The following CD3E variants were observed in gnomAD, a reference collection of about 807,000 sequenced individuals.
CD3E encodes the protein T-cell surface glycoprotein CD3 epsilon chain.
In CD3E, 16 loss-of-function variants were observed where a neutral mutation model predicts 34.7. The observed-to-expected ratio is 0.46, with a 90% CI of 0.31 to 0.70. The LOEUF is 0.70. Among genes scored for constraint, CD3E ranks in the 30% least tolerant of loss-of-function variants. The pLI is 0.05. For synonymous variants in CD3E, 70 were observed against 90.8 expected, an observed-to-expected ratio of 0.77 and a Z score of 1.30; for missense variants, 223 against 253.9, an observed-to-expected ratio of 0.88 and a Z score of 0.83.
At position 118,304,948 on chromosome 11, in the gene CD3E, C is replaced by T; in HGVS notation, c.-5C>T. ...TTAGTAAAGTAACAGTCCCATGAAACAAAGATGCAGTCGGGCACTCACTGG... is the reference window on the plus strand; with the variant it reads ...TTAGTAAAGTAACAGTCCCATGAAATAAAGATGCAGTCGGGCACTCACTGG... On this transcript the variant is annotated 5_prime_UTR_variant, in exon 2 of 9. The change creates a premature stop within an existing upstream ORF in the 5' untranslated region. Transcript: ENST00000361763. The T allele has an allele frequency of 6.2e-7, 1 of 1,613,936 alleles. No individual in the cohort carries two copies. Among genetic ancestry groups the T allele is most frequent in the Non-Finnish European group, 8.5e-7 (1 of 1,179,812 alleles).
At chr11:118,314,365 C>A in intron 7 of CD3E, 83 bp from the exon 8 acceptor site, 1 of 1,149,764 alleles carries the variant, frequency 8.7e-7, no homozygotes, top group Non-Finnish European at 1.3e-6. Context: ...TTGCCATTCT[C>A]TATCTGGGTC....
intron 3 of CD3E, 144 bp downstream of exon 3, chr11:118,307,452 C>A: frequency 1.4e-6 from 1 of 692,520 alleles, no homozygotes; most frequent in Non-Finnish European, 2.5e-6. Flanking sequence ...CTTTGACTTT[C>A]CTCACAAGTC....
intron 8 of CD3E, among the ~76,000 whole-genome samples, chr11:118,314,889 G>A (rs1459864285): frequency 6.6e-6 from 1 of 151,602 alleles, no homozygotes; most frequent in African/African-American, 2.4e-5. Context: ...AAAAGTTATT[G>A]AAATATTAAA....
In CD3E at chr11:118,314,557, CAG is replaced by C. The variant is rs386134229; in HGVS notation, c.567+65_567+66del. The C allele has an allele frequency of 1.7e-3, 2,515 of 1,472,810 alleles. 5 individuals carry two copies. Among genetic ancestry groups the C allele is most frequent in the Admixed American group, 2.5e-3 (146 of 58,116 alleles). 91.2% of individuals were successfully genotyped at this position (1,472,810 alleles called of 1,614,324 possible). ...GATGTCCCTCCAGGGGGGAAGGAAA[CAG>C]ATGGGATGGCCCATCTTGTCTGCCA... On this transcript the variant is annotated intron_variant, in intron 8 of 8. Transcript: ENST00000361763.
At position 118,307,368 on chromosome 11, in the gene CD3E, T is replaced by C. The variant is rs1948113188; in HGVS notation, c.70+60T>C. On this transcript the variant is annotated intron_variant, in intron 3 of 8. Coordinates refer to ENST00000361763, the MANE Select transcript of CD3E (RefSeq NM_000733.4). ...ATCACCCCATCATTCTTTGTAGTTA[T>C]GAATGGAGCTTTCTCTTAGGCCTCC... is the stretch of plus-strand genomic sequence containing the variant. 2.1e-6 allele frequency: 3 copies of C among 1,458,034 alleles called. No individual in the cohort carries two copies. The Admixed American group carries it at 5.1e-5, about 25-fold the overall frequency. 90.3% of individuals were successfully genotyped at this position (1,458,034 alleles called of 1,614,324 possible). A position where few individuals can be genotyped will look rare whatever the true frequency, so the allele number is the denominator to read the frequency against.
chr11:118,313,578 G>A, intron 6 of CD3E, 129 bp from the exon 7 acceptor site: 1 of 837,094 alleles, frequency 1.2e-6, no homozygotes, highest in Non-Finnish European at 2.0e-6. Context: ...TATTGAAGGG[G>A]GGGCTCTGAC....
chr11:118,307,651 G>A (rs1031974853), intron 3 of CD3E, among the ~76,000 whole-genome samples: 5 of 152,192 alleles, frequency 3.3e-5, no homozygotes, highest in Admixed American at 2.6e-4. Context: ...GGGTTACTCT[G>A]GATAAGCTGC....
chr11:118,309,312 A>G (rs1948123594), intron 4 of CD3E, among the ~76,000 whole-genome samples: 1 of 152,160 alleles, frequency 6.6e-6, no homozygotes, highest in Non-Finnish European at 1.5e-5. Context: ...ATGGTGGCTC[A>G]CACCTGTAAT....
At position 118,307,319 on chromosome 11, in the gene CD3E, CT is replaced by C; in HGVS notation, c.70+14del. The C allele has an allele frequency of 1.9e-6, 3 of 1,584,044 alleles. No homozygotes were observed. The highest frequency in any genetic ancestry group is 2.6e-6 in the Non-Finnish European group (3 of 1,158,226). On this transcript the variant is annotated intron_variant, in intron 3 of 8. Transcript: ENST00000361763. ...TTTGGGGGCAAGATGGTGAGATATGCTTTCTTTCTTTCTTTTTTATGAAATC... is the reference window on the plus strand; with the variant it reads ...TTTGGGGGCAAGATGGTGAGATATGCTTCTTTCTTTCTTTTTTATGAAATC...
chr11:118,307,611 C>T (rs1245166844), intron 3 of CD3E, among the ~76,000 whole-genome samples: 1 of 152,192 alleles, frequency 6.6e-6, no homozygotes, highest in Non-Finnish European at 1.5e-5. Flanking sequence ...TGAGATTCTG[C>T]AGAGGAGACG....
At chr11:118,313,574 A>AG (rs1026499225) in intron 6 of CD3E, 133 bp from the exon 7 acceptor site, 25 of 818,134 alleles carry the variant, frequency 3.1e-5, no homozygotes, top group African/African-American at 6.7e-5. Context: ...AACATATTGA[A>AG]GGGGGGGCTC....
At chr11:118,306,555 TC>T (rs1948108090) in intron 2 of CD3E, among the ~76,000 whole-genome samples, 1 of 151,890 alleles carries the variant, frequency 6.6e-6, no homozygotes, top group South Asian at 2.1e-4. Context: ...CCCAATCACC[TC>T]TAGACATCTG....
In CD3E at chr11:118,313,709, T is replaced by G; in HGVS notation, c.355T>G (p.Cys119Gly). 1.2e-6 allele frequency: 2 copies of G among 1,612,396 alleles called. No individual in the cohort carries two copies. Among genetic ancestry groups the G allele is most frequent in the Non-Finnish European group, 1.7e-6 (2 of 1,178,648 alleles). Residue 119 changes from cysteine to glycine, a missense_variant and splice_region_variant, in exon 7 of 9, where the codon TGT (cysteine) becomes GGT (glycine). Cys to Gly is a radical substitution (Grantham distance 159, BLOSUM62 -3). Transcript: ENST00000361763. ...NFYLYLRARV[C>G]ENCMEMDVMS... ...TCTCCCCACCCCACCCCCCACAGTG[T>G]GTGAGAACTGCATGGAGATGGATGT... is the stretch of plus-strand genomic sequence containing the variant.
In CD3E at chr11:118,312,861, C is replaced by G; in HGVS notation, c.347C>G (p.Ala116Gly). ...EDANFYLYLR[A>G]RVCENCMEMD... Reference sequence around the variant, plus strand: ...GCGAACTTTTATCTCTACCTGAGGGCAAGAGGTAATCCAGGTCTCCAGAAC... The same window carrying G: ...GCGAACTTTTATCTCTACCTGAGGGGAAGAGGTAATCCAGGTCTCCAGAAC... Residue 116 changes from alanine to glycine, a missense_variant, in exon 6 of 9, where the codon GCA becomes GGA. Ala to Gly is a moderately conservative substitution (Grantham distance 60). Transcript: ENST00000361763. The G allele has an allele frequency of 6.2e-7, 1 of 1,614,160 alleles. No homozygotes were observed. The highest frequency in any genetic ancestry group is 8.5e-7 in the Non-Finnish European group (1 of 1,180,026).
At chr11:118,314,925 C>T (rs1212900990) in intron 8 of CD3E, among the ~76,000 whole-genome samples, 2 of 150,576 alleles carry the variant, frequency 1.3e-5, no homozygotes, top group African/African-American at 4.9e-5. Context: ...TAGCCCCAAA[C>T]TTTGCTCACC....
chr11:118,313,054 AAT>A, intron 6 of CD3E, 188 bp downstream of exon 6: 1 of 704,590 alleles, frequency 1.4e-6, no homozygotes, highest in Non-Finnish European at 2.5e-6. Context: ...ATTAAACACC[AAT>A]ATGAGGCTTC....
At chr11:118,308,657 T>C (rs1948120331) in intron 4 of CD3E, among the ~76,000 whole-genome samples, 1 of 152,214 alleles carries the variant, frequency 6.6e-6, no homozygotes, top group African/African-American at 2.4e-5. Context: ...CATACACATA[T>C]GGATGTGGGT....
At chr11:118,315,401 G>T in intron 8 of CD3E, 85 bp from the exon 9 acceptor site, 1 of 1,155,798 alleles carries the variant, frequency 8.7e-7, no homozygotes, top group South Asian at 1.3e-5. Context: ...TTCTTCCCAC[G>T]CACTAAAGCT....
In CD3E at chr11:118,313,758, T is replaced by G; in HGVS notation, c.404T>G (p.Ile135Arg). The G allele has an allele frequency of 1.2e-6, 2 of 1,614,102 alleles. No homozygotes were observed. The highest frequency in any genetic ancestry group is 1.7e-6 in the Non-Finnish European group (2 of 1,179,980). ...MDVMSVATIV[I>R]VDICITGGLL... ...GTGATGTCGGTGGCCACAATTGTCA[T>G]AGTGGACATCTGCATCACTGGGGGC... is the stretch of plus-strand genomic sequence containing the variant. The change falls in exon 7 of 9, where the codon ATA (isoleucine) becomes AGA (arginine). Residue 135 changes from isoleucine to arginine, a missense_variant. Physicochemically the swap from Ile to Arg is moderately conservative, Grantham distance 97. Coordinates refer to ENST00000361763, the MANE Select transcript of CD3E (RefSeq NM_000733.4).
Sources: allele counts gnomAD v4.1 joint callset (sites outside exome capture counted in the v4.1 genomes callset), GRCh38; gene constraint gnomAD v4.1.1; transcripts MANE v1.5; gene names NCBI Gene and HGNC (gene_info 2026-07-23, HGNC 2026-07-21).